Variants in RPH3A observed in about 807,000 individuals in gnomAD.
RPH3A encodes rabphilin 3A.
In RPH3A, 48 loss-of-function variants were observed where a neutral mutation model predicts 102.2. The ratio of observed to expected loss-of-function variants is 0.47; its 90% confidence interval spans 0.37 to 0.60. The LOEUF (loss-of-function observed/expected upper bound fraction) is 0.60. RPH3A is among the 20% of genes least tolerant of loss of function. RPH3A has a pLI of 0.00. For missense variants in RPH3A, 781 were observed against 910.1 expected (o/e 0.86, Z 1.83); for synonymous variants, 310 against 324.3 (o/e 0.96, Z 0.47).
In RPH3A at chr12:112,813,152, T is replaced by A. The variant is rs535293210; in HGVS notation, c.-18-15149T>A. ...ATCACACAACTAGAAAGAGGCAGAG[T>A]GGGGACTTGAATCTTGACAGCTCAG... On this transcript the variant is annotated intron_variant, in intron 2 of 21. Coordinates refer to ENST00000389385, the MANE Select transcript of RPH3A (RefSeq NM_001143854.2). 2.4e-4 allele frequency among the ~76,000 whole-genome samples: 37 copies of A among 152,154 alleles called. No individual in the cohort carries two copies. In the South Asian group the frequency reaches 3.1e-3, roughly 13 times the overall value.
At chr12:112,776,530 T>A (rs1459650512) in intron 1 of RPH3A, among the ~76,000 whole-genome samples, 1 of 152,016 alleles carries the variant, frequency 6.6e-6, no homozygotes, top group Non-Finnish European at 1.5e-5. Flanking sequence ...TTGGATTTAT[T>A]GTTATGGTAG....
intron 21 of RPH3A, 131 bp downstream of exon 21, chr12:112,896,004 G>A: frequency 3.1e-6 from 2 of 642,008 alleles, no homozygotes; most frequent in Non-Finnish European, 5.5e-6. Flanking sequence ...ATGCTAAATT[G>A]AGACCCATGA....
intron 1 of RPH3A, among the ~76,000 whole-genome samples, chr12:112,762,422 C>G (rs1049078361): frequency 2.6e-5 from 4 of 152,198 alleles, no homozygotes; most frequent in Non-Finnish European, 5.9e-5. Flanking sequence ...ACCTACCCTT[C>G]AGGCACATCA....
intron 4 of RPH3A, among the ~76,000 whole-genome samples, chr12:112,841,302 AG>A (rs1378939769): frequency 6.6e-6 from 1 of 151,386 alleles, no homozygotes; most frequent in South Asian, 2.1e-4. Context: ...AGTTAAGATG[AG>A]GGGGGCAGGG....
intron 2 of RPH3A, among the ~76,000 whole-genome samples, chr12:112,809,822 T>C (rs1021627150): frequency 2.6e-5 from 4 of 152,162 alleles, no homozygotes; most frequent in Non-Finnish European, 5.9e-5. Flanking sequence ...GAAAGGTAAT[T>C]ACTGAGGAGA....
chr12:112,790,860 A>G (rs1034361339), upstream of RPH3A, among the ~76,000 whole-genome samples: 1 of 152,190 alleles, frequency 6.6e-6, no homozygotes, highest in African/African-American at 2.4e-5. Flanking sequence ...TGGGCTGTCA[A>G]TTCCTTTATC....
chr12:112,876,617 G>A (rs1279217596), intron 12 of RPH3A, 25 bp from the exon 13 acceptor site: 7 of 1,519,380 alleles, frequency 4.6e-6, no homozygotes, highest in African/African-American at 1.4e-5. Context: ...GCAGCTGCAT[G>A]TTTCCTGTCC....
chr12:112,896,325 T>A, intron 21 of RPH3A, among the ~76,000 whole-genome samples: 1 of 152,046 alleles, frequency 6.6e-6, no homozygotes, highest in East Asian at 1.9e-4. Flanking sequence ...TGATGAACCT[T>A]TTTGGAAATA....
intron 17 of RPH3A, among the ~76,000 whole-genome samples, chr12:112,889,725 T>C (rs2043060211): frequency 6.6e-6 from 1 of 152,220 alleles, no homozygotes; most frequent in Non-Finnish European, 1.5e-5. Flanking sequence ...CTGACACTTA[T>C]TGGCTGTGTG....
At chr12:112,614,290 A>C (rs756043969) in intron 1 of RPH3A, among the ~76,000 whole-genome samples, 25 of 152,252 alleles carry the variant, frequency 1.6e-4, no homozygotes, top group Non-Finnish European at 2.2e-4. Flanking sequence ...GTAGTGAATA[A>C]ATCTCCCTGA....
chr12:112,699,940 G>A (rs569400198), intron 1 of RPH3A, among the ~76,000 whole-genome samples: 1 of 152,162 alleles, frequency 6.6e-6, no homozygotes, highest in South Asian at 2.1e-4. Context: ...CTAATGCCTA[G>A]CAATATGCCT....
chr12:112,836,178 C>T (rs955316982), intron 3 of RPH3A, among the ~76,000 whole-genome samples: 21 of 152,210 alleles, frequency 1.4e-4, no homozygotes, highest in African/African-American at 5.1e-4. Flanking sequence ...ATGATGATGG[C>T]CATGAGATCA....
At chr12:112,724,753 G>C (rs530311980) in intron 1 of RPH3A, among the ~76,000 whole-genome samples, 1 of 152,264 alleles carries the variant, frequency 6.6e-6, no homozygotes, top group South Asian at 2.1e-4. Flanking sequence ...TGGATCACTT[G>C]AGCTCAGGAG....
intron 2 of RPH3A, among the ~76,000 whole-genome samples, chr12:112,805,330 T>A (rs941614373): frequency 1.3e-5 from 2 of 152,092 alleles, no homozygotes; most frequent in Non-Finnish European, 2.9e-5. Flanking sequence ...ATTTTTTTTT[T>A]AATGCAGATG....
At chr12:112,580,100 A>G (rs886870290) in intron 1 of RPH3A, among the ~76,000 whole-genome samples, 4 of 152,006 alleles carry the variant, frequency 2.6e-5, no homozygotes, top group African/African-American at 9.7e-5. Context: ...GTCTATTTCT[A>G]TCTCTGTCTT....
At chr12:112,596,640 A>T (rs752437569) in intron 1 of RPH3A, among the ~76,000 whole-genome samples, 1 of 152,186 alleles carries the variant, frequency 6.6e-6, no homozygotes, top group Non-Finnish European at 1.5e-5. Flanking sequence ...TTTGAGTAAG[A>T]CTTGAAATCT....
At chr12:112,627,717 A>G (rs1317337160) in intron 1 of RPH3A, among the ~76,000 whole-genome samples, 5 of 152,136 alleles carry the variant, frequency 3.3e-5, no homozygotes, top group Non-Finnish European at 7.4e-5. Context: ...AAAGAAAAGT[A>G]GACTGTGGAT....
chr12:112,885,067 T>C (rs1391442346), intron 16 of RPH3A, among the ~76,000 whole-genome samples: 1 of 152,282 alleles, frequency 6.6e-6, no homozygotes, highest in Non-Finnish European at 1.5e-5. Flanking sequence ...TGCTATTTAG[T>C]ATTTTATTGC....
chr12:112,580,877 A>C (rs564751290), intron 1 of RPH3A, among the ~76,000 whole-genome samples: 3 of 152,358 alleles, frequency 2.0e-5, no homozygotes, highest in African/African-American at 7.2e-5. Context: ...TGGATTGGGA[A>C]GGTAAATTAT....
Sources: allele counts gnomAD v4.1 joint callset (sites outside exome capture counted in the v4.1 genomes callset), GRCh38; gene constraint gnomAD v4.1.1; transcripts MANE v1.5; gene names NCBI Gene and HGNC (gene_info 2026-07-23, HGNC 2026-07-21).